ZNF273: variants seen among roughly 807,000 people sequenced by gnomAD.
ZNF273 encodes zinc finger protein 273.
In ZNF273, 11 loss-of-function variants were observed where a neutral mutation model predicts 14.9. The observed-to-expected ratio is 0.74, with a 90% CI of 0.46 to 1.22. ZNF273 has a LOEUF of 1.22. ZNF273 is among the 50% of genes most tolerant of loss of function. ZNF273 has a pLI of 0.00. For synonymous variants in ZNF273, 199 were observed against 223.9 expected (o/e 0.89, Z 0.99); for missense variants, 577 against 660.6 (o/e 0.87, Z 1.39).
chr7:64,903,720 G>C (rs10242362), intron 1 of ZNF273, among the ~76,000 whole-genome samples: 10 of 152,154 alleles, frequency 6.6e-5, no homozygotes, highest in East Asian at 3.9e-4. Flanking sequence ...CGGGATGCAG[G>C]GTTCATGACT....
chr7:64,892,993 G>A (rs377564568), downstream of ZNF273, among the ~76,000 whole-genome samples: 1 of 152,106 alleles, frequency 6.6e-6, no homozygotes, highest in East Asian at 1.9e-4. Context: ...TGTTGGACAT[G>A]CCTGGCCCAC....
chr7:64,909,418 G>A (rs376266616), intron 1 of ZNF273, among the ~76,000 whole-genome samples: 27 of 151,774 alleles, frequency 1.8e-4, no homozygotes, highest in African/African-American at 6.1e-4. Flanking sequence ...TAGTAGAGAC[G>A]GGGTTTCAAC....
chr7:64,895,422 T>G (rs779090499), intron 3 of ZNF273, among the ~76,000 whole-genome samples: 1 of 152,258 alleles, frequency 6.6e-6, no homozygotes, highest in Non-Finnish European at 1.5e-5. Flanking sequence ...TTAGATCTAG[T>G]TGAATCTGCT....
chr7:64,900,909 G>T (rs965926198), upstream of ZNF273, among the ~76,000 whole-genome samples: 12 of 152,036 alleles, frequency 7.9e-5, no homozygotes, highest in African/African-American at 2.9e-4. Flanking sequence ...ATAAACTTCT[G>T]CTCTGAACCT....
At chr7:64,932,074 A>T (rs1000034218), downstream of ZNF273, among the ~76,000 whole-genome samples, 4 of 151,874 alleles carry the variant, frequency 2.6e-5, no homozygotes, top group African/African-American at 7.3e-5. Context: ...GTAAGTTTTG[A>T]TGAGAAATTT....
chr7:64,880,842 G>A (rs1377829204), downstream of ZNF273, among the ~76,000 whole-genome samples: 1 of 152,052 alleles, frequency 6.6e-6, no homozygotes, highest in Non-Finnish European at 1.5e-5. Context: ...CAGCAGTCCT[G>A]TGCCCAGGAC....
chr7:64,925,989 C>A (rs1460124664), intron 3 of ZNF273, among the ~76,000 whole-genome samples: 1 of 145,478 alleles, frequency 6.9e-6, no homozygotes, highest in East Asian at 2.0e-4. Flanking sequence ...TGTTTTCTTG[C>A]ATCATGTTAT....
At chr7:64,935,571 G>A (rs1374228171), downstream of ZNF273, among the ~76,000 whole-genome samples, 4 of 151,966 alleles carry the variant, frequency 2.6e-5, no homozygotes, top group Non-Finnish European at 5.9e-5. Flanking sequence ...CACCTATGCT[G>A]GAGTGCAGTG....
rs34595818 is a variant in ZNF273 at position 64,924,514 on chromosome 7, TACAC to T, written c.326-3123_326-3120del. ...CTAATGTGAGACACACACTCACACA[TACAC>T]ACACACACACACACACGCGCGCGCG... On this transcript the variant is annotated intron_variant, in intron 3 of 3. Transcript: ENST00000476120. The T allele has an allele frequency of 3.4e-3, 520 of 151,136 alleles. 2 individuals carry two copies. Among genetic ancestry groups the T allele is most frequent in the Non-Finnish European group, 4.3e-3 (289 of 67,738 alleles). 9.4% of individuals were successfully genotyped at this position (151,136 alleles called of 1,614,324 possible). A position where few individuals can be genotyped will look rare whatever the true frequency, so the allele number is the denominator to read the frequency against.
intron 1 of ZNF273, among the ~76,000 whole-genome samples, chr7:64,912,035 C>T (rs893478570): frequency 2.6e-5 from 4 of 152,174 alleles, no homozygotes; most frequent in Non-Finnish European, 5.9e-5. Flanking sequence ...TATGGCTCAC[C>T]GTAAACTCTG....
chr7:64,890,668 G>A (rs553154595), downstream of ZNF273, among the ~76,000 whole-genome samples: 10 of 152,346 alleles, frequency 6.6e-5, no homozygotes, highest in South Asian at 1.9e-3. Flanking sequence ...CCATCCAAGA[G>A]CATGAGAGTC....
chr7:64,912,826 G>GTTTTTTTTATTTTTTTTTTTT (rs1793638809), intron 1 of ZNF273, among the ~76,000 whole-genome samples: 1 of 36,568 alleles, frequency 2.7e-5, no homozygotes, highest in African/African-American at 8.2e-5. Flanking sequence ...ATTCATTTTA[G>GTTTTTTTTATTTTTTTTTTTT]TTTTTTTTTT....
At chr7:64,892,857 A>G (rs939983639), downstream of ZNF273, among the ~76,000 whole-genome samples, 1 of 152,038 alleles carries the variant, frequency 6.6e-6, no homozygotes, top group African/African-American at 2.4e-5. Flanking sequence ...ATTTGTGTCC[A>G]CTCCCACCCT....
the ZNF273 span, among the ~76,000 whole-genome samples, chr7:64,937,133 T>C: frequency 6.6e-6 from 1 of 152,254 alleles, no homozygotes; most frequent in Non-Finnish European, 1.5e-5. Context: ...AGCATTTTAC[T>C]ATGATTCATA....
At chr7:64,909,939 TTAA>T (rs1416707348) in intron 1 of ZNF273, among the ~76,000 whole-genome samples, 1 of 152,124 alleles carries the variant, frequency 6.6e-6, no homozygotes, top group Non-Finnish European at 1.5e-5. Context: ...TCTCTAATGA[TTAA>T]TAATGAGCAT....
upstream of ZNF273, among the ~76,000 whole-genome samples, chr7:64,901,994 C>T (rs904739042): frequency 4.6e-5 from 7 of 150,832 alleles, no homozygotes; most frequent in East Asian, 2.0e-4. Context: ...GAGGCCAAGG[C>T]GGGCAGATCA....
intron 1 of ZNF273, among the ~76,000 whole-genome samples, chr7:64,885,271 G>A (rs760647316): frequency 2.6e-5 from 4 of 152,222 alleles, no homozygotes; most frequent in Non-Finnish European, 4.4e-5. Flanking sequence ...TGTGGTCCTG[G>A]CTTTGCCTCC....
intron 1 of ZNF273, among the ~76,000 whole-genome samples, chr7:64,916,394 C>G (rs1411414174): frequency 7.6e-6 from 1 of 131,726 alleles, no homozygotes; most frequent in Non-Finnish European, 1.7e-5. Flanking sequence ...AAAAAATTAG[C>G]TGGGCATGGC....
At chr7:64,881,579 C>A (rs1791256059), downstream of ZNF273, among the ~76,000 whole-genome samples, 1 of 152,182 alleles carries the variant, frequency 6.6e-6, no homozygotes, top group Non-Finnish European at 1.5e-5. Context: ...GTAATCTAGG[C>A]TCTGTTTCAT....
Sources: gnomAD v4.1 joint callset for allele counts (sites outside exome capture counted in the v4.1 genomes callset) on GRCh38, gnomAD v4.1.1 for gene constraint, MANE v1.5 for transcripts, NCBI Gene and HGNC (gene_info 2026-07-23, HGNC 2026-07-21) for gene names.